UNC5C: variants seen among roughly 807,000 people sequenced by gnomAD.
The protein encoded by UNC5C is netrin receptor UNC5C.
Under a neutral mutation model 99.8 loss-of-function variants are expected in UNC5C, and 47 were observed. The ratio of observed to expected loss-of-function variants is 0.47; its 90% CI spans 0.37 to 0.60. The LOEUF (loss-of-function observed/expected upper bound fraction) is 0.60. UNC5C is among the 20% of genes least tolerant of loss of function. The pLI is 0.00. For missense variants in UNC5C, 1,062 were observed against 1,165.9 expected (o/e 0.91, Z 1.30); for synonymous variants, 487 against 452.2 (o/e 1.08, Z -0.98).
At position 95,165,766 on chromosome 4, in the gene UNC5C, T is replaced by G. The variant is rs1735835664; in HGVS notation, c.*3468A>C. 6.6e-6 allele frequency: 1 copy of G among 152,174 alleles called. No homozygotes were observed. The highest frequency in any genetic ancestry group is 2.4e-5 in the African/African-American group (1 of 41,436). The allele number at this position is 152,174 out of a possible 1,614,324, so 9.4% of individuals were successfully genotyped here. On this transcript the variant is annotated 3_prime_UTR_variant, in exon 16 of 16. Coordinates refer to ENST00000453304, the MANE Select transcript of UNC5C (RefSeq NM_003728.4). ...TTCTTACATTTCCAAAGATAAATATTAAGGAACTAAAAGGAGATTTAAAGT... is the reference window on the plus strand; with the variant it reads ...TTCTTACATTTCCAAAGATAAATATGAAGGAACTAAAAGGAGATTTAAAGT...
At chr4:95,378,133 T>A (rs1744953289) in intron 1 of UNC5C, among the ~76,000 whole-genome samples, 1 of 152,172 alleles carries the variant, frequency 6.6e-6, no homozygotes, top group African/African-American at 2.4e-5. Context: ...AGAGAGAGTA[T>A]CCTTTCATGG....
chr4:95,297,296 G>A (rs1268346125), intron 3 of UNC5C, among the ~76,000 whole-genome samples: 1 of 152,148 alleles, frequency 6.6e-6, no homozygotes, highest in African/African-American at 2.4e-5. Context: ...CTGGCTGCAT[G>A]TATGACTCCA....
At chr4:95,420,754 G>T (rs1746296253) in intron 1 of UNC5C, among the ~76,000 whole-genome samples, 1 of 152,072 alleles carries the variant, frequency 6.6e-6, no homozygotes, top group South Asian at 2.1e-4. Flanking sequence ...ACATGGAAAA[G>T]ATACATGAGA....
At chr4:95,255,366 G>A (rs569428959) in intron 4 of UNC5C, among the ~76,000 whole-genome samples, 2 of 152,120 alleles carry the variant, frequency 1.3e-5, no homozygotes, top group South Asian at 4.1e-4. Flanking sequence ...GATCACAAGT[G>A]GGCCTTTATT....
intron 1 of UNC5C, among the ~76,000 whole-genome samples, chr4:95,441,102 T>C (rs1205378668): frequency 6.6e-6 from 1 of 152,220 alleles, no homozygotes; most frequent in Non-Finnish European, 1.5e-5. Context: ...TTTCTAAATT[T>C]GGTTTTGACC....
intron 1 of UNC5C, among the ~76,000 whole-genome samples, 178 bp downstream of exon 1, chr4:95,548,556 T>G (rs1481186223): frequency 2.0e-5 from 3 of 151,560 alleles, no homozygotes; most frequent in African/African-American, 7.3e-5. Flanking sequence ...ATAATAATAA[T>G]AATTATTATT....
intron 1 of UNC5C, among the ~76,000 whole-genome samples, chr4:95,449,928 G>A (rs1467779776): frequency 6.6e-6 from 1 of 152,148 alleles, no homozygotes; most frequent in East Asian, 1.9e-4. Flanking sequence ...AGAAATCAAA[G>A]TTCTTCAGAC....
chr4:95,368,826 C>T (rs1007085054), intron 1 of UNC5C, among the ~76,000 whole-genome samples: 37 of 151,944 alleles, frequency 2.4e-4, no homozygotes, highest in Admixed American at 6.6e-5. Flanking sequence ...AAAATATATT[C>T]AACATTAAAT....
intron 7 of UNC5C, among the ~76,000 whole-genome samples, chr4:95,240,980 A>G (rs1739309573): frequency 6.6e-6 from 1 of 151,328 alleles, no homozygotes; most frequent in African/African-American, 2.4e-5. Flanking sequence ...CAAGATTGAA[A>G]TAGTACATTG....
At chr4:95,187,758 G>A (rs1736893727) in intron 12 of UNC5C, among the ~76,000 whole-genome samples, 2 of 152,146 alleles carry the variant, frequency 1.3e-5, no homozygotes, top group African/African-American at 4.8e-5. Context: ...TAAAGACAGT[G>A]GGGCCACAGA....
intron 1 of UNC5C, among the ~76,000 whole-genome samples, chr4:95,523,738 C>T (rs770226215): frequency 6.6e-6 from 1 of 152,098 alleles, no homozygotes; most frequent in Non-Finnish European, 1.5e-5. Flanking sequence ...CAAAAAAACA[C>T]ATGTAAACGT....
intron 1 of UNC5C, among the ~76,000 whole-genome samples, chr4:95,462,275 C>CA (rs1354449383): frequency 6.6e-6 from 1 of 151,716 alleles, no homozygotes; most frequent in African/African-American, 2.4e-5. Context: ...ATGTAGACAA[C>CA]AAAAAAATGG....
At chr4:95,522,334 A>G (rs1167990022) in intron 1 of UNC5C, among the ~76,000 whole-genome samples, 1 of 152,156 alleles carries the variant, frequency 6.6e-6, no homozygotes, top group Non-Finnish European at 1.5e-5. Flanking sequence ...TTAAAGTGCA[A>G]TGCTAATATT....
At chr4:95,520,821 C>T (rs1019023317) in intron 1 of UNC5C, among the ~76,000 whole-genome samples, 2 of 151,890 alleles carry the variant, frequency 1.3e-5, no homozygotes, top group African/African-American at 4.8e-5. Context: ...AAGATGGTCT[C>T]GGTCTCCTGA....
chr4:95,207,531 G>C (rs1399841638), intron 10 of UNC5C, among the ~76,000 whole-genome samples: 8 of 152,162 alleles, frequency 5.3e-5, no homozygotes, highest in Non-Finnish European at 8.8e-5. Context: ...TAGCCTATCA[G>C]TAAATTTGTG....
intron 1 of UNC5C, among the ~76,000 whole-genome samples, chr4:95,392,652 G>A (rs1244886091): frequency 1.3e-5 from 2 of 151,656 alleles, no homozygotes; most frequent in African/African-American, 2.4e-5. Context: ...TGTTGCTCAG[G>A]CTGGTCTCGA....
rs1344468262 is a variant in UNC5C at position 95,473,779 on chromosome 4, A to G, written c.124+74955T>C. On this transcript the variant is annotated intron_variant, in intron 1 of 15. Coordinates refer to ENST00000453304, the MANE Select transcript of UNC5C (RefSeq NM_003728.4). ...ATGTTCCAAGTCTAACACCACTTGC[A>G]CTAAAAACTTCTACAGAGGGGAGAT... Among the ~76,000 whole-genome samples, 7 of 152,228 alleles carry G rather than the reference A, an allele frequency of 4.6e-5. No homozygotes were observed. In the East Asian group the frequency reaches 1.4e-3, roughly 30 times the overall value.
At chr4:95,255,151 T>C (rs1033515396) in intron 4 of UNC5C, among the ~76,000 whole-genome samples, 1 of 152,074 alleles carries the variant, frequency 6.6e-6, no homozygotes, top group Non-Finnish European at 1.5e-5. Flanking sequence ...GGCTAATTTT[T>C]GTATTTTTAG....
chr4:95,359,627 G>A (rs1744323379), intron 1 of UNC5C, among the ~76,000 whole-genome samples: 1 of 151,854 alleles, frequency 6.6e-6, no homozygotes, highest in Admixed American at 6.6e-5. Flanking sequence ...TGAAAACTTG[G>A]GTTTTGAAAC....
Sources: gnomAD v4.1 joint callset for allele counts (sites outside exome capture counted in the v4.1 genomes callset) on GRCh38, gnomAD v4.1.1 for gene constraint, MANE v1.5 for transcripts, NCBI Gene and HGNC (gene_info 2026-07-23, HGNC 2026-07-21) for gene names.